HHIP: variants seen among roughly 807,000 people sequenced by gnomAD.
HHIP encodes the protein hedgehog interacting protein, also known as hedgehog-interacting protein.
HHIP carries 12 observed loss-of-function variants against 74.0 expected under a neutral mutation model. That is an observed-to-expected ratio of 0.16 (90% CI 0.10 to 0.26). The LOEUF (loss-of-function observed/expected upper bound fraction) is 0.26. Among genes scored for constraint, HHIP ranks in the 10% least tolerant of loss-of-function variants. The pLI is 1.00. For missense variants in HHIP, 788 were observed against 845.0 expected (o/e 0.93, Z 0.84); for synonymous variants, 309 against 311.6 (o/e 0.99, Z 0.09).
intron 4 of HHIP, among the ~76,000 whole-genome samples, chr4:144,694,530 T>C (rs558782348): frequency 6.6e-6 from 1 of 152,000 alleles, no homozygotes; most frequent in East Asian, 1.9e-4. Context: ...ATAATGCTTT[T>C]AGCTGCATGA....
intron 4 of HHIP, among the ~76,000 whole-genome samples, chr4:144,683,822 A>G (rs1729408221): frequency 6.6e-6 from 1 of 152,144 alleles, no homozygotes; most frequent in Non-Finnish European, 1.5e-5. Context: ...ATTTAATATT[A>G]TATCTGGCTC....
chr4:144,741,043 AAG>A lies in HHIP; in HGVS notation c.*3092_*3093del, dbSNP rs1257561856. 1 of 152,182 alleles carries A rather than the reference AAG, an allele frequency of 6.6e-6. No homozygotes were observed. The highest frequency in any genetic ancestry group is 1.5e-5 in the Non-Finnish European group (1 of 68,038). 9.4% of individuals were successfully genotyped at this position (152,182 alleles called of 1,614,324 possible). A position where few individuals can be genotyped will look rare whatever the true frequency, so the allele number is the denominator to read the frequency against. ...CACAATTTGGCAGATCTTTAAGTGA[AAG>A]AGAGAAAAAATTTAAGAAATTGAGT... On this transcript the variant is annotated 3_prime_UTR_variant, in exon 13 of 13. Coordinates refer to ENST00000296575, the MANE Select transcript of HHIP (RefSeq NM_022475.3).
At chr4:144,681,839 T>A (rs1472743785) in intron 4 of HHIP, among the ~76,000 whole-genome samples, 1 of 152,210 alleles carries the variant, frequency 6.6e-6, no homozygotes, top group Non-Finnish European at 1.5e-5. Context: ...TGAAGCAACA[T>A]TGGCTTCTGA....
intron 4 of HHIP, among the ~76,000 whole-genome samples, chr4:144,673,544 C>A (rs573324987): frequency 3.0e-4 from 46 of 152,004 alleles, no homozygotes; most frequent in African/African-American, 9.9e-4. Context: ...AGGAAATGCA[C>A]ATTTAAAGGG....
intron 4 of HHIP, among the ~76,000 whole-genome samples, chr4:144,668,185 C>T (rs1450815672): frequency 6.6e-6 from 1 of 151,926 alleles, no homozygotes; most frequent in Non-Finnish European, 1.5e-5. Flanking sequence ...GGTATGGTGG[C>T]AGATGCCTAT....
rs1317732954 is a variant in HHIP at position 144,690,000 on chromosome 4, G to A, written c.832-16531G>A. On this transcript the variant is annotated intron_variant, in intron 4 of 12. Transcript: ENST00000296575. Reference sequence around the variant, plus strand: ...ATTTTTGTATTTTTATAGAGACAGGGTTTCACTATGTTGGCCAGGCTGGTC... The same window carrying A: ...ATTTTTGTATTTTTATAGAGACAGGATTTCACTATGTTGGCCAGGCTGGTC... 1.5e-4 allele frequency among the ~76,000 whole-genome samples: 23 copies of A among 152,204 alleles called. 1 individual carries two copies. The highest frequency in any genetic ancestry group is 1.3e-4 in the Non-Finnish European group (9 of 68,012).
chr4:144,701,316 T>C (rs1016891731), intron 4 of HHIP, among the ~76,000 whole-genome samples: 5 of 98,674 alleles, frequency 5.1e-5, no homozygotes, highest in Admixed American at 1.0e-4. Flanking sequence ...AATTAAGCTG[T>C]TTTTTTCTTT....
At chr4:144,652,834 G>T in intron 2 of HHIP, 37 bp downstream of exon 2, 1 of 1,328,424 alleles carries the variant, frequency 7.5e-7, no homozygotes, top group Non-Finnish European at 1.0e-6. Context: ...ATAAACCACT[G>T]CACAATATCC....
At chr4:144,715,997 C>A (rs1023156792) in intron 10 of HHIP, among the ~76,000 whole-genome samples, 2 of 152,050 alleles carry the variant, frequency 1.3e-5, no homozygotes, top group African/African-American at 4.8e-5. Context: ...TACTTCTTGG[C>A]ATGTTTACCA....
chr4:144,662,283 G>A (rs1233369345), intron 4 of HHIP, among the ~76,000 whole-genome samples: 2 of 152,134 alleles, frequency 1.3e-5, no homozygotes, highest in Non-Finnish European at 2.9e-5. Flanking sequence ...GTGCTTGAGA[G>A]GGATGCCATC....
chr4:144,703,109 G>A (rs2126648808), intron 4 of HHIP, among the ~76,000 whole-genome samples: 1 of 152,082 alleles, frequency 6.6e-6, no homozygotes, highest in Admixed American at 6.5e-5. Context: ...AAGTACCCGG[G>A]AGGCTGAGGC....
Position 144,743,277 on chromosome 4 carries a change from G to A in HHIP, c.*5320G>A, listed in dbSNP as rs1731313523. On this transcript the variant is annotated 3_prime_UTR_variant, in exon 13 of 13. Coordinates refer to ENST00000296575, the MANE Select transcript of HHIP (RefSeq NM_022475.3). ...GCTATGGAAAGGTTTGTTCACTTATGAGATTAGGACTTTTCTTAAATTCCT... is the reference window on the plus strand; with the variant it reads ...GCTATGGAAAGGTTTGTTCACTTATAAGATTAGGACTTTTCTTAAATTCCT... 6.6e-6 allele frequency: 1 copy of A among 151,312 alleles called. No individual in the cohort carries two copies. Among genetic ancestry groups the A allele is most frequent in the Non-Finnish European group, 1.5e-5 (1 of 67,820 alleles). 9.4% of individuals were successfully genotyped at this position (151,312 alleles called of 1,614,324 possible).
intron 2 of HHIP, among the ~76,000 whole-genome samples, chr4:144,657,949 T>C (rs778180065): frequency 3.9e-5 from 6 of 152,216 alleles, no homozygotes; most frequent in Admixed American, 6.5e-5. Flanking sequence ...GAGTCAGTTG[T>C]TTATTATAGC....
intron 4 of HHIP, among the ~76,000 whole-genome samples, chr4:144,703,682 T>C (rs1730051949): frequency 1.3e-5 from 2 of 152,012 alleles, no homozygotes; most frequent in African/African-American, 4.8e-5. Flanking sequence ...ACTAAGATAA[T>C]AGAAGGAAGT....
At chr4:144,689,756 T>C (rs1339387955) in intron 4 of HHIP, among the ~76,000 whole-genome samples, 1 of 152,202 alleles carries the variant, frequency 6.6e-6, no homozygotes, top group Non-Finnish European at 1.5e-5. Context: ...TAACATTCTG[T>C]TTTTAACTGA....
At chr4:144,676,412 T>G (rs929306223) in intron 4 of HHIP, among the ~76,000 whole-genome samples, 2 of 152,252 alleles carry the variant, frequency 1.3e-5, no homozygotes, top group Non-Finnish European at 2.9e-5. Context: ...TACTTAGATA[T>G]GGCTAGGAGC....
intron 11 of HHIP, among the ~76,000 whole-genome samples, chr4:144,723,437 C>CA (rs898565757): frequency 3.3e-5 from 5 of 151,616 alleles, no homozygotes; most frequent in Non-Finnish European, 5.9e-5. Context: ...GTGCTTTTTT[C>CA]AAAAAAATCA....
chr4:144,681,521 G>A (rs1729343952), intron 4 of HHIP, among the ~76,000 whole-genome samples: 1 of 150,680 alleles, frequency 6.6e-6, no homozygotes, highest in Admixed American at 6.7e-5. Context: ...CGCATCCTGG[G>A]TCAAGCAATT....
intron 4 of HHIP, among the ~76,000 whole-genome samples, chr4:144,696,665 AG>A: frequency 6.6e-6 from 1 of 151,956 alleles, no homozygotes; most frequent in East Asian, 1.9e-4. Flanking sequence ...CTTCTATTTA[AG>A]CATTTGGGGC....
Sources: gnomAD v4.1 joint callset for allele counts (sites outside exome capture counted in the v4.1 genomes callset) on GRCh38, gnomAD v4.1.1 for gene constraint, MANE v1.5 for transcripts, NCBI Gene and HGNC (gene_info 2026-07-23, HGNC 2026-07-21) for gene names.